Variants in N4BP2L1 observed in about 807,000 individuals in gnomAD.
The protein encoded by N4BP2L1 is NEDD4-binding protein 2-like 1.
A neutral mutation model predicts 21.2 loss-of-function variants in N4BP2L1; 12 were observed. The ratio of observed to expected loss-of-function variants is 0.57; its 90% CI spans 0.36 to 0.92. N4BP2L1 has a LOEUF of 0.92. Among genes scored for constraint, N4BP2L1 ranks in the 40% least tolerant of loss-of-function variants. N4BP2L1 has a pLI of 0.01. For missense variants in N4BP2L1, 259 were observed against 310.6 expected (o/e 0.83, Z 1.25); for synonymous variants, 104 against 112.8 (o/e 0.92, Z 0.49).
At chr13:32,407,400 ATC>A in intron 2 of N4BP2L1, 62 bp from the exon 3 acceptor site, 1 of 1,612,674 alleles carries the variant, frequency 6.2e-7, no homozygotes. Flanking sequence ...GGTGAGCGTA[ATC>A]TCTATTCGTC....
chr13:32,415,421 T>C (rs2074081649), intron 1 of N4BP2L1, among the ~76,000 whole-genome samples: 1 of 152,260 alleles, frequency 6.6e-6, no homozygotes, highest in South Asian at 2.1e-4. Flanking sequence ...CTTCTGAGCC[T>C]TCAAGTCAAA....
Position 32,402,502 on chromosome 13 carries a change from CTTTGA to C in N4BP2L1, c.*435_*439del, listed in dbSNP as rs753833181. The C allele has an allele frequency of 0.47, 438,968 of 943,176 alleles. 108,738 individuals carry two copies. The highest frequency in any genetic ancestry group is 0.58 in the African/African-American group (32,456 of 55,986). The allele number at this position is 943,176 out of a possible 1,614,324, so 58.4% of individuals were successfully genotyped here. A position where few individuals can be genotyped will look rare whatever the true frequency, so the allele number is the denominator to read the frequency against. ...ATAGATTATCAAAGTAGCAATGGCA[CTTTGA>C]TAAGTAGCAATGCCCCCCCACCACT... On this transcript the variant is annotated 3_prime_UTR_variant, in exon 5 of 5. Coordinates refer to ENST00000380130, the MANE Select transcript of N4BP2L1 (RefSeq NM_052818.3).
At chr13:32,419,540 G>A (rs2074356926) in intron 1 of N4BP2L1, 1 of 293,694 alleles carries the variant, frequency 3.4e-6, no homozygotes, top group Non-Finnish European at 6.6e-6. Context: ...CCAAAGTGCT[G>A]GGATTACAGG....
At chr13:32,416,129 T>C (rs572136998) in intron 1 of N4BP2L1, 3 of 152,378 alleles carry the variant, frequency 2.0e-5, no homozygotes, top group Non-Finnish European at 2.9e-5. Flanking sequence ...ATAGACTTAG[T>C]CCATTTTCTT....
At chr13:32,406,289 G>C (rs1037469961) in intron 3 of N4BP2L1, among the ~76,000 whole-genome samples, 1 of 151,974 alleles carries the variant, frequency 6.6e-6, no homozygotes, top group African/African-American at 2.4e-5. Flanking sequence ...ACAAGAGATG[G>C]AATATGTATG....
Position 32,402,111 on chromosome 13 carries a change from T to A in N4BP2L1, c.*831A>T. 1.0e-6 allele frequency: 1 copy of A among 985,128 alleles called. No individual in the cohort carries two copies. Among genetic ancestry groups the A allele is most frequent in the Non-Finnish European group, 1.2e-6 (1 of 829,634 alleles). The allele number at this position is 985,128 out of a possible 1,614,324, so 61.0% of individuals were successfully genotyped here. Reference sequence around the variant, plus strand: ...ATTTGAGCTGCCGACTAATTACACATGTTAATAGGCATAATTTTAGAAGTC... The same window carrying A: ...ATTTGAGCTGCCGACTAATTACACAAGTTAATAGGCATAATTTTAGAAGTC... On this transcript the variant is annotated 3_prime_UTR_variant, in exon 5 of 5. Coordinates refer to ENST00000380130, the MANE Select transcript of N4BP2L1 (RefSeq NM_052818.3).
At chr13:32,410,166 C>T (rs1375661884) in intron 1 of N4BP2L1, among the ~76,000 whole-genome samples, 1 of 152,230 alleles carries the variant, frequency 6.6e-6, no homozygotes, top group Non-Finnish European at 1.5e-5. Context: ...GCGGGCCTTG[C>T]CCGGGGTCCC....
At chr13:32,411,720 A>G (rs2073872004) in intron 1 of N4BP2L1, 1 of 983,814 alleles carries the variant, frequency 1.0e-6, no homozygotes, top group Admixed American at 6.2e-5. Flanking sequence ...TATAAGAGAA[A>G]CTCAGGGGCT....
At chr13:32,408,697 G>A (rs879635646) in intron 1 of N4BP2L1, among the ~76,000 whole-genome samples, 6 of 152,190 alleles carry the variant, frequency 3.9e-5, no homozygotes, top group Non-Finnish European at 7.3e-5. Flanking sequence ...AGAAAATATG[G>A]TCACATGGCC....
At chr13:32,413,876 CTTTTTT>C (rs57796470) in intron 1 of N4BP2L1, among the ~76,000 whole-genome samples, 1 of 98,570 alleles carries the variant, frequency 1.0e-5, no homozygotes, top group Admixed American at 1.3e-4. Flanking sequence ...TTGCACCAAG[CTTTTTT>C]TTTTTTTTTT....
At chr13:32,414,307 T>C (rs1593270152) in intron 1 of N4BP2L1, among the ~76,000 whole-genome samples, 1 of 152,350 alleles carries the variant, frequency 6.6e-6, no homozygotes, top group South Asian at 2.1e-4. Flanking sequence ...TAACTAATAA[T>C]TTAATGCTTA....
intron 3 of N4BP2L1, among the ~76,000 whole-genome samples, 179 bp from the exon 4 acceptor site, chr13:32,404,576 CATA>C (rs1384795281): frequency 6.7e-6 from 1 of 150,292 alleles, no homozygotes; most frequent in Non-Finnish European, 1.5e-5. Flanking sequence ...TAGCCACTCT[CATA>C]ATTCTCCATG....
chr13:32,413,723 AG>A (rs1306731414), intron 1 of N4BP2L1, among the ~76,000 whole-genome samples: 2 of 152,280 alleles, frequency 1.3e-5, no homozygotes, highest in East Asian at 3.9e-4. Context: ...AGTGCAAAAA[AG>A]GAGTGAGGTT....
chr13:32,424,451 C>A (rs2074654103), intron 1 of N4BP2L1, among the ~76,000 whole-genome samples: 1 of 152,246 alleles, frequency 6.6e-6, no homozygotes, highest in Admixed American at 6.5e-5. Flanking sequence ...TGGCCCTTAC[C>A]CACAGCAGTG....
Position 32,404,387 on chromosome 13 carries a change from T to C in N4BP2L1, c.407A>G (p.Asn136Ser), listed in dbSNP as rs777550361. The change falls in exon 4 of 5, where the codon AAT becomes AGT. Residue 136 changes from asparagine (N) to serine (S), a missense_variant. Around this residue, in one of 3 missense-constraint regions of N4BP2L1, gnomAD observed 91 missense variants for 148.1 expected, o/e 0.61. Transcript: ENST00000380130. The stretch of plus-strand genomic sequence containing the variant: ...TTCTCGGAATATAACTTCATAGTTA[T>C]TTTCAAGTGCCTGATTTTTCAAAAG... ...MKPYAVMALE[N>S]NYEVIFREPD... is the part of the protein sequence containing the mutation. 5.0e-6 allele frequency: 8 copies of C among 1,611,886 alleles called. No individual in the cohort carries two copies. In the South Asian group the frequency reaches 8.8e-5, roughly 18 times the overall value.
At chr13:32,422,311 G>T (rs756242559) in intron 1 of N4BP2L1, among the ~76,000 whole-genome samples, 4 of 151,504 alleles carry the variant, frequency 2.6e-5, no homozygotes, top group African/African-American at 9.7e-5. Flanking sequence ...ACCCTTTCAC[G>T]AGATCACCCC....
At chr13:32,426,355 G>A (rs1021796682) in intron 1 of N4BP2L1, among the ~76,000 whole-genome samples, 10 of 152,150 alleles carry the variant, frequency 6.6e-5, no homozygotes, top group Admixed American at 1.3e-4. Flanking sequence ...CACCATGACT[G>A]TATCACAAAA....
Position 32,402,440 on chromosome 13 carries a change from G to A in N4BP2L1, c.*502C>T. ...GCATATTAACATTAAAGGAAAATCA[G>A]TATCATAAGAGTCGCACATCTCACA... On this transcript the variant is annotated 3_prime_UTR_variant, in exon 5 of 5. Coordinates refer to ENST00000380130, the MANE Select transcript of N4BP2L1 (RefSeq NM_052818.3). The A allele has an allele frequency of 1.0e-6, 1 of 957,234 alleles. No individual in the cohort carries two copies. Among genetic ancestry groups the A allele is most frequent in the Non-Finnish European group, 1.2e-6 (1 of 804,768 alleles). 59.3% of individuals were successfully genotyped at this position (957,234 alleles called of 1,614,324 possible).
intron 1 of N4BP2L1, among the ~76,000 whole-genome samples, chr13:32,423,759 A>C (rs1256347225): frequency 6.6e-6 from 1 of 152,184 alleles, no homozygotes; most frequent in Non-Finnish European, 1.5e-5. Flanking sequence ...AGTAGCTGAG[A>C]GGTTACCCGG....
Sources: gnomAD v4.1 joint callset for allele counts (sites outside exome capture counted in the v4.1 genomes callset) on GRCh38, gnomAD v4.1.1 for gene constraint, gnomAD v4.1.1 regional missense constraint, MANE v1.5 for transcripts, NCBI Gene and HGNC (gene_info 2026-07-23, HGNC 2026-07-21) for gene names.